CCBE1: variants seen among roughly 807,000 people sequenced by gnomAD.
CCBE1 encodes the protein collagen and calcium-binding EGF domain-containing protein 1.
In CCBE1, 37 loss-of-function variants were observed where a neutral mutation model predicts 50.0. The ratio of observed to expected loss-of-function variants is 0.74; its 90% CI spans 0.57 to 0.97. The LOEUF (loss-of-function observed/expected upper bound fraction) is 0.97. CCBE1 is among the 50% of genes least tolerant of loss of function. The pLI, the probability that CCBE1 is intolerant of heterozygous loss-of-function variation, is 0.00. For synonymous variants in CCBE1, 234 were observed against 203.7 expected (o/e 1.15, Z -1.27); for missense variants, 538 against 523.8 (o/e 1.03, Z -0.26).
At chr18:59,474,187 G>T (rs1451256031) in intron 3 of CCBE1, among the ~76,000 whole-genome samples, 1 of 152,162 alleles carries the variant, frequency 6.6e-6, no homozygotes, top group Non-Finnish European at 1.5e-5. Context: ...GAATAGCACG[G>T]TGATGAACAT....
In CCBE1 at chr18:59,641,642, C is replaced by T. The variant is rs118006537; in HGVS notation, c.212+54987G>A. On this transcript the variant is annotated intron_variant, in intron 2 of 10. Coordinates refer to ENST00000439986, the MANE Select transcript of CCBE1 (RefSeq NM_133459.4). ...AATGTCCAAGAACCACCAAAATATTCCTGAAAAACAAAGTAGAGATCACTT... is the reference window on the plus strand; with the variant it reads ...AATGTCCAAGAACCACCAAAATATTTCTGAAAAACAAAGTAGAGATCACTT... 2.6e-3 allele frequency among the ~76,000 whole-genome samples: 397 copies of T among 152,214 alleles called. 9 individuals carry two copies. The East Asian group carries it at 0.037, about 14-fold the overall frequency.
chr18:59,531,188 G>A (rs1915033893), intron 2 of CCBE1, among the ~76,000 whole-genome samples: 1 of 152,024 alleles, frequency 6.6e-6, no homozygotes, highest in Non-Finnish European at 1.5e-5. Flanking sequence ...CAGCTTGTTG[G>A]CCATGCGATT....
At chr18:59,585,853 A>G (rs2053171715) in intron 2 of CCBE1, among the ~76,000 whole-genome samples, 1 of 152,194 alleles carries the variant, frequency 6.6e-6, no homozygotes, top group South Asian at 2.1e-4. Context: ...TCCTATTTAA[A>G]TAAGTTTAAG....
Position 59,680,090 on chromosome 18 carries a change from G to A in CCBE1, c.212+16539C>T, listed in dbSNP as rs928287117. ...ACAAAAATCAGCCGGGCATGGTGGC[G>A]CATGCCTGTAATCCCAGCTACTCGG... On this transcript the variant is annotated intron_variant, in intron 2 of 10. Coordinates refer to ENST00000439986, the MANE Select transcript of CCBE1 (RefSeq NM_133459.4). Among the ~76,000 whole-genome samples the A allele has an allele frequency of 2.6e-5, 4 of 151,902 alleles. No individual in the cohort carries two copies. In the East Asian group the frequency reaches 5.8e-4, roughly 22 times the overall value.
chr18:59,683,218 C>T (rs1272722548), intron 2 of CCBE1, among the ~76,000 whole-genome samples: 2 of 152,090 alleles, frequency 1.3e-5, no homozygotes, highest in Non-Finnish European at 2.9e-5. Flanking sequence ...TAGATATGCT[C>T]CTAGTGCTCT....
chr18:59,647,434 C>T (rs1459019979), intron 2 of CCBE1, among the ~76,000 whole-genome samples: 1 of 152,120 alleles, frequency 6.6e-6, no homozygotes, highest in Non-Finnish European at 1.5e-5. Flanking sequence ...CTGTCTGATG[C>T]AGTTATTTTT....
rs901630340 is a variant in CCBE1 at position 59,588,540 on chromosome 18, A to C, written c.212+108089T>G. Among the ~76,000 whole-genome samples, 12 of 152,174 alleles carry C rather than the reference A, an allele frequency of 7.9e-5. 1 individual carries two copies. Among genetic ancestry groups the C allele is most frequent in the Admixed American group, 7.9e-4 (12 of 15,278 alleles). ...TGATTTTGATCCTCATATAATTGGAACCACGCAGTATGTTTTCTTTTTGAC... is the reference window on the plus strand; with the variant it reads ...TGATTTTGATCCTCATATAATTGGACCCACGCAGTATGTTTTCTTTTTGAC... On this transcript the variant is annotated intron_variant, in intron 2 of 10. Transcript: ENST00000439986.
chr18:59,624,428 T>C (rs986505806), intron 2 of CCBE1, among the ~76,000 whole-genome samples: 1 of 152,232 alleles, frequency 6.6e-6, no homozygotes, highest in East Asian at 1.9e-4. Flanking sequence ...AGATTTATGT[T>C]TTTTAAAGTT....
Position 59,685,302 on chromosome 18 carries a change from A to G in CCBE1, c.212+11327T>C, listed in dbSNP as rs1336384887. 3.3e-5 allele frequency among the ~76,000 whole-genome samples: 5 copies of G among 152,152 alleles called. No homozygotes were observed. In the East Asian group the frequency reaches 7.7e-4, roughly 23 times the overall value. On this transcript the variant is annotated intron_variant, in intron 2 of 10. Coordinates refer to ENST00000439986, the MANE Select transcript of CCBE1 (RefSeq NM_133459.4). ...TGTCCTATCCTTGATCCATTCTCCT[A>G]TTAGTCCCTCCATCACTTCCCTGAC...
Position 59,549,038 on chromosome 18 carries a change from G to A in CCBE1, c.213-68800C>T, listed in dbSNP as rs375253520. Among the ~76,000 whole-genome samples the A allele has an allele frequency of 4.0e-5, 6 of 148,766 alleles. No individual in the cohort carries two copies. The East Asian group carries it at 1.2e-3, about 30-fold the overall frequency. On this transcript the variant is annotated intron_variant, in intron 2 of 10. Coordinates refer to ENST00000439986, the MANE Select transcript of CCBE1 (RefSeq NM_133459.4). ...GAATCACTTGAACCTGGGAGGCAGA[G>A]GTTGCAGTGAGCCAAGATCATGCCA...
At chr18:59,438,870 C>T (rs919538027) in intron 9 of CCBE1, among the ~76,000 whole-genome samples, 2 of 152,048 alleles carry the variant, frequency 1.3e-5, no homozygotes, top group Non-Finnish European at 2.9e-5. Context: ...GACCTTCAGG[C>T]CGGGAGCGGT....
intron 2 of CCBE1, among the ~76,000 whole-genome samples, chr18:59,687,097 T>C (rs1453307712): frequency 6.6e-6 from 1 of 152,230 alleles, no homozygotes; most frequent in Non-Finnish European, 1.5e-5. Context: ...GAGCCATTTC[T>C]TTGTGGGAAA....
upstream of CCBE1, chr18:59,697,450 A>G: frequency 7.0e-7 from 1 of 1,434,098 alleles, no homozygotes; most frequent in South Asian, 1.4e-5. Context: ...GGCGCCGGAG[A>G]GCAGGGGCGT....
In CCBE1 at chr18:59,434,605, C is replaced by T. The variant is rs970911319; in HGVS notation, c.*1303G>A. ...ACTCACTAGGAGGTGGAGATATAGACCTTTTTCTGAACTGCTTCTCACATG... is the reference window on the plus strand; with the variant it reads ...ACTCACTAGGAGGTGGAGATATAGATCTTTTTCTGAACTGCTTCTCACATG... On this transcript the variant is annotated 3_prime_UTR_variant, in exon 11 of 11. Transcript: ENST00000439986. 5.9e-5 allele frequency: 9 copies of T among 152,064 alleles called. No individual in the cohort carries two copies. Among genetic ancestry groups the T allele is most frequent in the African/African-American group, 2.2e-4 (9 of 41,392 alleles). The allele number at this position is 152,064 out of a possible 1,614,324, so 9.4% of individuals were successfully genotyped here. A position where few individuals can be genotyped will look rare whatever the true frequency, so the allele number is the denominator to read the frequency against.
intron 2 of CCBE1, among the ~76,000 whole-genome samples, chr18:59,693,129 CT>C (rs796557055): frequency 6.6e-6 from 1 of 151,956 alleles, no homozygotes; most frequent in Non-Finnish European, 1.5e-5. Flanking sequence ...GTACATTGTT[CT>C]TTTTTTTAAA....
At chr18:59,652,259 G>C (rs946214013) in intron 2 of CCBE1, among the ~76,000 whole-genome samples, 3 of 152,086 alleles carry the variant, frequency 2.0e-5, no homozygotes, top group African/African-American at 4.8e-5. Flanking sequence ...AAAAATCTCA[G>C]CCTTGGAATC....
intron 2 of CCBE1, among the ~76,000 whole-genome samples, chr18:59,684,875 T>C (rs2054636669): frequency 6.6e-6 from 1 of 152,152 alleles, no homozygotes; most frequent in Admixed American, 6.6e-5. Flanking sequence ...AGAAGCCTTT[T>C]GTTTTCTGGG....
intron 2 of CCBE1, among the ~76,000 whole-genome samples, chr18:59,695,435 C>T (rs962252271): frequency 1.3e-5 from 2 of 152,150 alleles, no homozygotes; most frequent in East Asian, 1.9e-4. Context: ...ATTCACCCCC[C>T]GCACACGCCA....
At chr18:59,579,846 C>T (rs1408711325) in intron 2 of CCBE1, among the ~76,000 whole-genome samples, 1 of 152,166 alleles carries the variant, frequency 6.6e-6, no homozygotes, top group Non-Finnish European at 1.5e-5. Context: ...AGACAGAACA[C>T]ACCTCGAACA....
Sources: allele counts gnomAD v4.1 joint callset (sites outside exome capture counted in the v4.1 genomes callset), GRCh38; gene constraint gnomAD v4.1.1; transcripts MANE v1.5; gene names NCBI Gene and HGNC (gene_info 2026-07-23, HGNC 2026-07-21).